GSG1: variants seen among roughly 807,000 people sequenced by gnomAD.
GSG1 encodes the protein germ cell associated 1, also known as germ cell-specific gene 1 protein.
A neutral mutation model predicts 30.8 loss-of-function variants in GSG1; 28 were observed. That is an observed-to-expected ratio of 0.91 (90% CI 0.67 to 1.25). GSG1 has a LOEUF of 1.25. Among genes scored for constraint, GSG1 ranks in the 50% most tolerant of loss-of-function variants. GSG1 has a pLI of 0.00. For synonymous variants in GSG1, 162 were observed against 178.0 expected (o/e 0.91, Z 0.71); for missense variants, 435 against 444.7 (o/e 0.98, Z 0.20).
At chr12:13,088,758 AG>A (rs772468902) in intron 4 of GSG1, 103 bp downstream of exon 4, 2 of 1,612,494 alleles carry the variant, frequency 1.2e-6, no homozygotes, top group South Asian at 2.2e-5. Flanking sequence ...GCCCCAAGGG[AG>A]GGGAGGGGAG....
chr12:13,090,559 AAGG>A lies in GSG1; in HGVS notation c.305_307del (p.Ser102del), dbSNP rs1865990113. On this transcript the variant is annotated inframe_deletion, in exon 2 of 7. Transcript: ENST00000651961. ...CCACATGCCACTCCGGAAGCTCCGGAAGGAGAACCGGTCATCCCCAGTCTCCCA... is the reference window on the plus strand; with the variant it reads ...CCACATGCCACTCCGGAAGCTCCGGAAGAACCGGTCATCCCCAGTCTCCCA... The A allele has an allele frequency of 1.2e-6, 2 of 1,614,220 alleles. No homozygotes were observed. The highest frequency in any genetic ancestry group is 2.7e-5 in the African/African-American group (2 of 75,076).
At position 13,101,244 on chromosome 12, in the gene GSG1, G is replaced by C. The variant is rs1358832898; in HGVS notation, c.48+2221C>G. Among the ~76,000 whole-genome samples the C allele has an allele frequency of 2.6e-5, 4 of 152,052 alleles. No individual in the cohort carries two copies. Among genetic ancestry groups the C allele is most frequent in the African/African-American group, 7.2e-5 (3 of 41,416 alleles). On this transcript the variant is annotated intron_variant, in intron 1 of 6. Transcript: ENST00000651961. This position sits in a 1 kb window ranked among gnomAD's most constrained non-coding sequence, Gnocchi z 5.8. ...CCTGGGCCGCGCCATCTCCACTTCC[G>C]AGCGCGCCCTCCCACCCTGATGAGT...
chr12:13,088,641 G>A (rs948856783), intron 4 of GSG1: 7 of 1,125,076 alleles, frequency 6.2e-6, no homozygotes, highest in African/African-American at 1.6e-5. Flanking sequence ...TCACCCTTTG[G>A]GGCTCAGAAG....
At position 13,093,076 on chromosome 12, in the gene GSG1, G is replaced by A. The variant is rs996915673; in HGVS notation, c.49-2258C>T. Among the ~76,000 whole-genome samples, 5 of 151,652 alleles carry A rather than the reference G, an allele frequency of 3.3e-5. No individual in the cohort carries two copies. The highest frequency in any genetic ancestry group is 9.7e-5 in the African/African-American group (4 of 41,334). ...CTCCCAAAGTGCTGGGATTACAGGC[G>A]TTAAGCCACCACGCCTGGCCGGTTA... is the stretch of plus-strand genomic sequence containing the variant. On this transcript the variant is annotated intron_variant, in intron 1 of 6. Coordinates refer to ENST00000651961, the MANE Select transcript of GSG1 (RefSeq NM_001080555.4). The surrounding 1 kb of genome is among the most constrained non-coding windows in gnomAD (Gnocchi z 4.6).
chr12:13,094,378 T>G (rs1026724324), intron 1 of GSG1, among the ~76,000 whole-genome samples: 12 of 152,216 alleles, frequency 7.9e-5, no homozygotes, highest in African/African-American at 2.7e-4. Flanking sequence ...CTAATATGAT[T>G]TTACTTTTAA....
chr12:13,089,724 C>T (rs1380993011), intron 2 of GSG1, among the ~76,000 whole-genome samples: 1 of 152,192 alleles, frequency 6.6e-6, no homozygotes, highest in Non-Finnish European at 1.5e-5. Flanking sequence ...GTGATGCTTT[C>T]ATCTCACAAA....
At chr12:13,085,350 A>T (rs1865421640) in intron 6 of GSG1, 107 bp from the exon 7 acceptor site, 1 of 995,966 alleles carries the variant, frequency 1.0e-6, no homozygotes, top group East Asian at 2.6e-5. Flanking sequence ...CCTTGTAGGG[A>T]TTTAGGGACT....
chr12:13,087,532 C>T (rs1052295276), intron 5 of GSG1, among the ~76,000 whole-genome samples: 21 of 152,172 alleles, frequency 1.4e-4, no homozygotes, highest in African/African-American at 4.8e-4. Flanking sequence ...TGCACACCAC[C>T]CCTACTCCTT....
chr12:13,095,861 A>T, intron 1 of GSG1: 2 of 1,301,506 alleles, frequency 1.5e-6, no homozygotes, highest in Non-Finnish European at 2.0e-6. Flanking sequence ...GAGCTTGCCA[A>T]TGGGGATCTG....
chr12:13,102,771 C>T (rs1186892391), intron 1 of GSG1, among the ~76,000 whole-genome samples: 2 of 152,248 alleles, frequency 1.3e-5, no homozygotes, highest in East Asian at 3.8e-4. Flanking sequence ...TGAGAATGAA[C>T]ACCATTTGTT....
intron 6 of GSG1, 126 bp from the exon 7 acceptor site, chr12:13,085,369 T>C: frequency 3.7e-6 from 3 of 814,144 alleles, no homozygotes; most frequent in Non-Finnish European, 5.6e-6. Context: ...CTTTCCACCA[T>C]GTTTCAGGTA....
intron 1 of GSG1, among the ~76,000 whole-genome samples, chr12:13,102,415 TAAAG>T (rs1863280551): frequency 6.6e-6 from 1 of 152,232 alleles, no homozygotes; most frequent in East Asian, 1.9e-4. Context: ...AAACCACTGA[TAAAG>T]AACAATAATA....
chr12:13,098,456 A>ATTTTTTTTTTTTTT lies in GSG1; in HGVS notation c.48+4995_48+5008dup, dbSNP rs771887535. Among the ~76,000 whole-genome samples, 6 of 47,402 alleles carry ATTTTTTTTTTTTTT rather than the reference A, an allele frequency of 1.3e-4. 1 individual carries two copies. Among genetic ancestry groups the ATTTTTTTTTTTTTT allele is most frequent in the Non-Finnish European group, 1.9e-4 (5 of 26,096 alleles). 31.1% of individuals were successfully genotyped at this position (47,402 alleles called of 152,430 possible). ...CTTGTAGGATTGTTTCATGTAGCCC[A>ATTTTTTTTTTTTTT]TTTTTTTTTTTTTTTTTTTTTTTTT... On this transcript the variant is annotated intron_variant, in intron 1 of 6. Coordinates refer to ENST00000651961, the MANE Select transcript of GSG1 (RefSeq NM_001080555.4).
chr12:13,090,943 G>T, intron 1 of GSG1, 125 bp from the exon 2 acceptor site: 1 of 765,170 alleles, frequency 1.3e-6, no homozygotes, highest in Non-Finnish European at 2.1e-6. Flanking sequence ...AAGGCAGATA[G>T]GCACAACCCG....
rs1192557449 is a variant in GSG1 at position 13,084,920 on chromosome 12, A to G, written c.1070T>C (p.Val357Ala). 12 of 1,550,504 alleles carry G rather than the reference A, an allele frequency of 7.7e-6. No individual in the cohort carries two copies. The highest frequency in any genetic ancestry group is 1.0e-5 in the Non-Finnish European group (12 of 1,146,326). Reference protein sequence around the residue: ...QELKEAVRSSVEEEQC With the variant: ...QELKEAVRSSAEEEQC Reference sequence around the variant, plus strand: ...TAACTCCTAACACTGCTCTTCCTCTACAGATGACCTAACTGCTTCTTTCAG... The same window carrying G: ...TAACTCCTAACACTGCTCTTCCTCTGCAGATGACCTAACTGCTTCTTTCAG... Residue 357 changes from valine to alanine, a missense_variant, in exon 7 of 7, where the codon GTA (valine) becomes GCA (alanine). Physicochemically the swap from Val to Ala is moderately conservative, Grantham distance 64 (BLOSUM62 0). Transcript: ENST00000651961.
intron 6 of GSG1, 25 bp from the exon 7 acceptor site, chr12:13,085,268 T>G: frequency 6.4e-7 from 1 of 1,569,542 alleles, no homozygotes; most frequent in Non-Finnish European, 8.6e-7. Flanking sequence ...ACAAAAAGAT[T>G]GGACAGTAAG....
intron 1 of GSG1, chr12:13,095,620 G>T: frequency 6.2e-7 from 1 of 1,614,182 alleles, no homozygotes; most frequent in Non-Finnish European, 8.5e-7. Context: ...TCAGCGTCTT[G>T]CAGCTTGTCT....
chr12:13,099,999 A>G (rs972751435), intron 1 of GSG1, among the ~76,000 whole-genome samples: 2 of 152,150 alleles, frequency 1.3e-5, no homozygotes, highest in South Asian at 2.1e-4. Flanking sequence ...ATGTCCTAGC[A>G]TGTGCCTCTC....
chr12:13,094,831 A>T (rs1866517606), intron 1 of GSG1, among the ~76,000 whole-genome samples: 1 of 152,192 alleles, frequency 6.6e-6, no homozygotes, highest in Non-Finnish European at 1.5e-5. Flanking sequence ...ATTTCAAGTT[A>T]TACTTGCAAG....
Sources: allele counts gnomAD v4.1 joint callset (sites outside exome capture counted in the v4.1 genomes callset), GRCh38; gene constraint gnomAD v4.1.1; non-coding constraint Gnocchi (gnomAD v3.1); transcripts MANE v1.5; gene names NCBI Gene and HGNC (gene_info 2026-07-23, HGNC 2026-07-21).